The following NBN variants were observed in gnomAD, a reference collection of about 807,000 sequenced individuals.
The protein encoded by NBN is Nijmegen breakage syndrome 1 (nibrin).
Under a neutral mutation model 90.8 loss-of-function variants are expected in NBN, and 88 were observed. The observed-to-expected ratio is 0.97, with a 90% CI of 0.82 to 1.16. NBN has a LOEUF of 1.16. NBN is among the 50% of genes most tolerant of loss of function. The pLI, the probability that NBN is intolerant of heterozygous loss-of-function variation, is 0.00. For missense variants in NBN, 894 were observed against 869.6 expected (o/e 1.03, Z -0.35); for synonymous variants, 328 against 295.1 (o/e 1.11, Z -1.14).
At chr8:89,967,449 C>T (rs1563554082) in intron 7 of NBN, among the ~76,000 whole-genome samples, 1 of 152,098 alleles carries the variant, frequency 6.6e-6, no homozygotes, top group Non-Finnish European at 1.5e-5. Context: ...TTTTTTCAAA[C>T]ACTTGCTGTC....
At chr8:89,946,368 T>A in intron 12 of NBN, 73 bp from the exon 13 acceptor site, 1 of 1,387,020 alleles carries the variant, frequency 7.2e-7, no homozygotes, top group East Asian at 2.3e-5. Flanking sequence ...CATTTGGGAA[T>A]CTATAGAAAA....
intron 7 of NBN, among the ~76,000 whole-genome samples, chr8:89,968,908 G>C (rs1050775857): frequency 6.6e-6 from 1 of 152,142 alleles, no homozygotes; most frequent in African/African-American, 2.4e-5. Context: ...TAATAAGATA[G>C]TATTTTTGTT....
intron 14 of NBN, among the ~76,000 whole-genome samples, chr8:89,940,355 T>G (rs1413393110): frequency 6.6e-6 from 1 of 151,902 alleles, no homozygotes; most frequent in Non-Finnish European, 1.5e-5. Context: ...AACTCCCGGG[T>G]TCAAGTGATC....
intron 10 of NBN, among the ~76,000 whole-genome samples, chr8:89,954,965 G>A (rs1196226466): frequency 6.6e-6 from 1 of 152,170 alleles, no homozygotes; most frequent in Non-Finnish European, 1.5e-5. Flanking sequence ...TATGGTCCTA[G>A]AGGGAGTGAG....
chr8:89,972,908 A>G (rs950337963), intron 5 of NBN, among the ~76,000 whole-genome samples: 6 of 152,226 alleles, frequency 3.9e-5, no homozygotes, highest in Non-Finnish European at 7.4e-5. Context: ...AAGTTGAATG[A>G]TTTTTAAATT....
intron 8 of NBN, among the ~76,000 whole-genome samples, chr8:89,964,168 T>C (rs1410286020): frequency 6.6e-6 from 1 of 152,224 alleles, no homozygotes; most frequent in Non-Finnish European, 1.5e-5. Flanking sequence ...TAAATCTTGA[T>C]CTTCAGAACA....
chr8:89,982,047 T>C, intron 2 of NBN: 1 of 763,934 alleles, frequency 1.3e-6, no homozygotes, highest in South Asian at 1.6e-5. Context: ...AAGAAATTCA[T>C]ATCGCATATA....
In NBN at chr8:89,934,817, T is replaced by TTTATAAGTAGGAA. The variant is rs1455064067; in HGVS notation, c.*752_*764dup. On this transcript the variant is annotated 3_prime_UTR_variant, in exon 16 of 16. Coordinates refer to ENST00000265433, the MANE Select transcript of NBN (RefSeq NM_002485.5). ...AAGAAAACAATCTCACCATTTCTACTTTATAAGTAGGAAAACTAGGACTCT... is the reference window on the plus strand; with the variant it reads ...AAGAAAACAATCTCACCATTTCTACTTTATAAGTAGGAATTATAAGTAGGAAAACTAGGACTCT... 4 of 233,056 alleles carry TTTATAAGTAGGAA rather than the reference T, an allele frequency of 1.7e-5. No homozygotes were observed. The East Asian group carries it at 2.4e-4, about 14-fold the overall frequency. 14.4% of individuals were successfully genotyped at this position (233,056 alleles called of 1,614,324 possible). A position where few individuals can be genotyped will look rare whatever the true frequency, so the allele number is the denominator to read the frequency against.
At chr8:89,981,148 A>G (rs1812044799) in intron 3 of NBN, among the ~76,000 whole-genome samples, 1 of 152,194 alleles carries the variant, frequency 6.6e-6, no homozygotes, top group South Asian at 2.1e-4. Context: ...TTCACCAATG[A>G]GGAATCGAAG....
Position 89,953,640 on chromosome 8 carries a change from T to C in NBN, c.1449A>G (p.Ile483Met), listed in dbSNP as rs1586054662. 6.2e-7 allele frequency: 1 copy of C among 1,613,038 alleles called. No homozygotes were observed. The highest frequency in any genetic ancestry group is 1.3e-5 in the African/African-American group (1 of 75,022). Residue 483 changes from isoleucine to methionine, a missense_variant, in exon 11 of 16, where the codon ATA becomes ATG. By Grantham distance (10) the Ile-to-Met change is conservative. Coordinates refer to ENST00000265433, the MANE Select transcript of NBN (RefSeq NM_002485.5). ...QEMSSCKSARIETSCSLLEQT... is the reference protein window; with the variant it reads ...QEMSSCKSARMETSCSLLEQT... ...GTTCTAAAAGAGAACAAGACGTTTC[T>C]ATTCTTGCTGATTTGCATGAAGACA...
intron 11 of NBN, among the ~76,000 whole-genome samples, chr8:89,948,884 CCTA>C (rs1810318573): frequency 6.6e-6 from 1 of 152,106 alleles, no homozygotes; most frequent in Non-Finnish European, 1.5e-5. Flanking sequence ...CCCATCCTGC[CCTA>C]CTCTCTCAAA....
At chr8:89,983,586 C>T (rs1812177601) in intron 1 of NBN, among the ~76,000 whole-genome samples, 1 of 152,192 alleles carries the variant, frequency 6.6e-6, no homozygotes, top group Non-Finnish European at 1.5e-5. Flanking sequence ...TGCACGTGTA[C>T]ATTTTTTGAA....
At chr8:89,951,039 G>A (rs1356455904) in intron 11 of NBN, among the ~76,000 whole-genome samples, 1 of 151,988 alleles carries the variant, frequency 6.6e-6, no homozygotes, top group Non-Finnish European at 1.5e-5. Flanking sequence ...GTGGGGTGGG[G>A]GTAGCTACTT....
intron 13 of NBN, among the ~76,000 whole-genome samples, chr8:89,944,561 C>T (rs1310652532): frequency 1.3e-5 from 2 of 152,074 alleles, no homozygotes; most frequent in Non-Finnish European, 2.9e-5. Flanking sequence ...ATACTGTTGT[C>T]GGTAAATTCT....
In NBN at chr8:89,969,298, ACAT is replaced by A. The variant is rs1182903373; in HGVS notation, c.896+1063_896+1065del. Reference sequence around the variant, plus strand: ...TTTACAGTCTCCCTCCACTCTACAAACATCATTTCAACCTATCTGACTTTTTGT... The same window carrying A: ...TTTACAGTCTCCCTCCACTCTACAAACATTTCAACCTATCTGACTTTTTGT... On this transcript the variant is annotated intron_variant, in intron 7 of 15. Coordinates refer to ENST00000265433, the MANE Select transcript of NBN (RefSeq NM_002485.5). 2.0e-4 allele frequency among the ~76,000 whole-genome samples: 30 copies of A among 152,348 alleles called. 1 individual carries two copies. Among genetic ancestry groups the A allele is most frequent in the Admixed American group, 2.0e-3 (30 of 15,300 alleles).
At chr8:89,958,993 G>A in intron 8 of NBN, 139 bp from the exon 9 acceptor site, 1 of 1,137,526 alleles carries the variant, frequency 8.8e-7, no homozygotes, top group African/African-American at 1.5e-5. Flanking sequence ...CCAATGAGTG[G>A]TACCAACAAA....
intron 12 of NBN, among the ~76,000 whole-genome samples, chr8:89,947,569 C>A (rs972294419): frequency 6.6e-6 from 1 of 151,714 alleles, no homozygotes; most frequent in South Asian, 2.1e-4. Flanking sequence ...GCTGAGGTTG[C>A]GGTGAGCCGA....
chr8:89,944,223 G>A (rs1810084886), intron 13 of NBN, among the ~76,000 whole-genome samples: 1 of 152,030 alleles, frequency 6.6e-6, no homozygotes, highest in African/African-American at 2.4e-5. Context: ...AATTTAGAAG[G>A]GGGCAAAGAC....
rs763878712 is a variant in NBN, at chr8:89,980,910, G to C, written c.321-17C>G. ...TACTCTATTCTGTAAATGAGAATAA[G>C]TTAAATAAAGTCATAGTATCAGAGT... On this transcript the variant is annotated splice_polypyrimidine_tract_variant and intron_variant, in intron 3 of 15. Transcript: ENST00000265433. 5.0e-6 allele frequency: 8 copies of C among 1,608,436 alleles called. No homozygotes were observed. The highest frequency in any genetic ancestry group is 1.3e-5 in the African/African-American group (1 of 74,788).
Sources: allele counts gnomAD v4.1 joint callset (sites outside exome capture counted in the v4.1 genomes callset), GRCh38; gene constraint gnomAD v4.1.1; transcripts MANE v1.5; gene names NCBI Gene and HGNC (gene_info 2026-07-23, HGNC 2026-07-21).